Variants in SPRYD3 observed in about 807,000 individuals in gnomAD.
SPRYD3 encodes SPRY domain containing 3.
In SPRYD3, 17 loss-of-function variants were observed where a neutral mutation model predicts 50.1. The ratio of observed to expected loss-of-function variants is 0.34; its 90% CI spans 0.23 to 0.51. The LOEUF (loss-of-function observed/expected upper bound fraction) is 0.51, where lower values mean the gene tolerates loss of function less well. Ranked by LOEUF, SPRYD3 falls within the 20% of genes least tolerant of loss-of-function variation. The pLI is 0.97. For synonymous variants in SPRYD3, 198 were observed against 215.5 expected, an observed-to-expected ratio of 0.92 and a Z score of 0.71; for missense variants, 401 against 591.2, an observed-to-expected ratio of 0.68 and a Z score of 3.34.
chr12:53,073,259 C>CCGGGGGGGGGGGGGGGCG, intron 6 of SPRYD3, 27 bp downstream of exon 6: 1 of 400,932 alleles, frequency 2.5e-6, no homozygotes, highest in East Asian at 3.8e-5. Flanking sequence ...CGACCCAGCC[C>CCGGGGGGGGGGGGGGGCG]CTCCCACCCT....
chr12:53,066,106 G>T, intron 10 of SPRYD3, 140 bp from the exon 11 acceptor site: 1 of 1,358,140 alleles, frequency 7.4e-7, no homozygotes, highest in African/African-American at 1.5e-5. Flanking sequence ...GTTATGGGAA[G>T]TGACCACCAG....
chr12:53,076,758 G>A (rs559131684), intron 2 of SPRYD3, among the ~76,000 whole-genome samples: 13 of 152,088 alleles, frequency 8.5e-5, no homozygotes, highest in Non-Finnish European at 1.9e-4. Flanking sequence ...GACCTGCCTG[G>A]CCAACATGGT....
intron 8 of SPRYD3, 120 bp downstream of exon 8, chr12:53,067,528 C>G (rs1944518565): frequency 4.4e-6 from 4 of 912,794 alleles, no homozygotes; most frequent in Non-Finnish European, 7.1e-6. Context: ...AAGGGGAGGT[C>G]AGCCAGCAGC....
intron 2 of SPRYD3, 129 bp downstream of exon 2, chr12:53,076,986 G>T: frequency 2.4e-6 from 2 of 839,722 alleles, no homozygotes; most frequent in Non-Finnish European, 3.7e-6. Flanking sequence ...CTGGAGTCAA[G>T]AGCATCGCCC....
intron 7 of SPRYD3, 35 bp from the exon 8 acceptor site, chr12:53,067,740 C>A: frequency 6.3e-7 from 1 of 1,589,276 alleles, no homozygotes; most frequent in Non-Finnish European, 8.6e-7. Context: ...TCTATGGTCC[C>A]ATGCATAAAC....
intron 5 of SPRYD3, 37 bp from the exon 6 acceptor site, chr12:53,073,508 T>G: frequency 1.4e-6 from 2 of 1,476,664 alleles, no homozygotes; most frequent in Non-Finnish European, 1.8e-6. Flanking sequence ...CCACCCGGCC[T>G]GCTTTTCCAT....
Position 53,077,228 on chromosome 12 carries a change from G to C in SPRYD3, c.57C>G (p.Asn19Lys), listed in dbSNP as rs981558136. 2.5e-6 allele frequency: 4 copies of C among 1,614,082 alleles called. 1 individual carries two copies. The Middle Eastern group carries it at 4.9e-4, about 199-fold the overall frequency. The change falls in exon 2 of 11, where the codon AAC becomes AAG. Residue 19 changes from asparagine (N) to lysine (K), a missense_variant. Coordinates refer to ENST00000301463, the MANE Select transcript of SPRYD3 (RefSeq NM_032840.3). ...FVLMNKMDDL[N>K]LHYRFLNWRR... is the part of the protein sequence containing the mutation. ...GCCAATTCAGAAACCGGTAGTGCAG[G>C]TTGAGGTCATCCATCTTGTTCATGA... is the stretch of plus-strand genomic sequence containing the variant.
intron 6 of SPRYD3, among the ~76,000 whole-genome samples, chr12:53,072,660 C>G (rs916007780): frequency 6.6e-6 from 1 of 152,184 alleles, no homozygotes; most frequent in African/African-American, 2.4e-5. Context: ...AAGAATTCCC[C>G]TTTCTCAAGC....
chr12:53,075,618 C>T (rs2121208248), intron 3 of SPRYD3, 118 bp downstream of exon 3: 2 of 800,394 alleles, frequency 2.5e-6, no homozygotes, highest in Non-Finnish European at 4.2e-6. Flanking sequence ...GCCAACAGGA[C>T]AGCCCTGATG....
intron 2 of SPRYD3, 143 bp from the exon 3 acceptor site, chr12:53,075,954 C>A: frequency 2.9e-6 from 2 of 686,008 alleles, no homozygotes; most frequent in South Asian, 3.3e-5. Flanking sequence ...CGGCAGACAT[C>A]AGAACCAGAT....
chr12:53,077,612 G>A (rs759380168), intron 1 of SPRYD3, among the ~76,000 whole-genome samples: 10 of 152,176 alleles, frequency 6.6e-5, no homozygotes, highest in East Asian at 1.9e-4. Flanking sequence ...GGACAGAGGC[G>A]GTCTCTCTGA....
At chr12:53,075,284 G>A (rs1026942248) in intron 3 of SPRYD3, 65 bp from the exon 4 acceptor site, 17 of 1,550,654 alleles carry the variant, frequency 1.1e-5, no homozygotes, top group Middle Eastern at 1.8e-4. Context: ...CTGGGGGTGG[G>A]GGAAGGGGAC....
chr12:53,073,256 G>GGCCCCGGGGGGGGGGGGGCCCC, intron 6 of SPRYD3, 30 bp downstream of exon 6: 1 of 424,134 alleles, frequency 2.4e-6, no homozygotes, highest in Non-Finnish European at 4.4e-6. Context: ...CTCCGACCCA[G>GGCCCCGGGGGGGGGGGGGCCCC]CCCCTCCCAC....
At position 53,075,595 on chromosome 12, in the gene SPRYD3, C is replaced by T. The variant is rs1157964853; in HGVS notation, c.246+141G>A. ...TCAGATGAGGGGCCATGCTATCCTGCACCTATTTCCCAGCCAACAGGACAG... is the reference window on the plus strand; with the variant it reads ...TCAGATGAGGGGCCATGCTATCCTGTACCTATTTCCCAGCCAACAGGACAG... On this transcript the variant is annotated intron_variant, in intron 3 of 10. Transcript: ENST00000301463. 7.3e-6 allele frequency: 5 copies of T among 687,976 alleles called. No individual in the cohort carries two copies. The East Asian group carries it at 8.1e-5, about 11-fold the overall frequency. The allele number at this position is 687,976 out of a possible 1,614,324, so 42.6% of individuals were successfully genotyped here. A position where few individuals can be genotyped will look rare whatever the true frequency, so the allele number is the denominator to read the frequency against.
chr12:53,075,858 A>G (rs746807619), intron 2 of SPRYD3, 47 bp from the exon 3 acceptor site: 1 of 1,504,376 alleles, frequency 6.6e-7, no homozygotes, highest in South Asian at 1.1e-5. Flanking sequence ...CTAGCCCAAG[A>G]GTAGGGGGAG....
In SPRYD3 at chr12:53,064,344, C is replaced by G. The variant is rs1944478411; in HGVS notation, c.*1488G>C. On this transcript the variant is annotated 3_prime_UTR_variant, in exon 11 of 11. Coordinates refer to ENST00000301463, the MANE Select transcript of SPRYD3 (RefSeq NM_032840.3). Reference sequence around the variant, plus strand: ...GGGAAAAAAGAGAGTCTATTTTTGTCTAATAATAAAGAATTTCTATAAACT... The same window carrying G: ...GGGAAAAAAGAGAGTCTATTTTTGTGTAATAATAAAGAATTTCTATAAACT... The G allele has an allele frequency of 1.3e-5, 2 of 157,786 alleles. No individual in the cohort carries two copies. Among genetic ancestry groups the G allele is most frequent in the Non-Finnish European group, 2.8e-5 (2 of 71,852 alleles). The allele number at this position is 157,786 out of a possible 1,614,324, so 9.8% of individuals were successfully genotyped here. A position where few individuals can be genotyped will look rare whatever the true frequency, so the allele number is the denominator to read the frequency against.
At chr12:53,075,011 G>A in intron 4 of SPRYD3, 84 bp downstream of exon 4, 1 of 1,568,226 alleles carries the variant, frequency 6.4e-7, no homozygotes, top group African/African-American at 1.4e-5. Context: ...CACCCAATGG[G>A]AAAAGCCAGC....
At position 53,079,038 on chromosome 12, in the gene SPRYD3, T is replaced by C. The variant is rs1346334767; in HGVS notation, c.23+273A>G. ...ACCCCACAGTCTTGGCACCGGCGAG[T>C]GGCGGCCCTACTGGGCCCTGTCTCC... On this transcript the variant is annotated intron_variant, in intron 1 of 10. Coordinates refer to ENST00000301463, the MANE Select transcript of SPRYD3 (RefSeq NM_032840.3). Among the ~76,000 whole-genome samples, 3 of 152,046 alleles carry C rather than the reference T, an allele frequency of 2.0e-5. No individual in the cohort carries two copies. In the East Asian group the frequency reaches 5.8e-4, roughly 29 times the overall value.
intron 1 of SPRYD3, chr12:53,078,268 C>T: frequency 3.3e-6 from 1 of 302,098 alleles, no homozygotes; most frequent in South Asian, 2.7e-5. Flanking sequence ...GTGGGAGGAT[C>T]ACAAGGTCAG....
Sources: gnomAD v4.1 joint callset for allele counts (sites outside exome capture counted in the v4.1 genomes callset) on GRCh38, gnomAD v4.1.1 for gene constraint, MANE v1.5 for transcripts, NCBI Gene and HGNC (gene_info 2026-07-23, HGNC 2026-07-21) for gene names.